PCOLCE2: variants seen among roughly 807,000 people sequenced by gnomAD.
PCOLCE2 encodes procollagen C-endopeptidase enhancer 2, also known as procollagen C-proteinase enhancer 2.
In PCOLCE2, 42 loss-of-function variants were observed where a neutral mutation model predicts 47.0. The observed-to-expected ratio is 0.89, with a 90% CI of 0.70 to 1.16. The LOEUF is 1.16. Among genes scored for constraint, PCOLCE2 ranks in the 50% most tolerant of loss-of-function variants. The pLI is 0.00. For missense variants in PCOLCE2, 500 were observed against 526.1 expected, an observed-to-expected ratio of 0.95 and a Z score of 0.49; for synonymous variants, 169 against 191.7, an observed-to-expected ratio of 0.88 and a Z score of 0.98.
chr3:142,850,061 A>G (rs1037658773), intron 2 of PCOLCE2, among the ~76,000 whole-genome samples: 2 of 152,240 alleles, frequency 1.3e-5, no homozygotes, highest in African/African-American at 4.8e-5. Context: ...TGTGAATATC[A>G]GAGTTCCAAA....
intron 2 of PCOLCE2, among the ~76,000 whole-genome samples, chr3:142,850,780 G>C (rs1932918633): frequency 6.7e-6 from 1 of 148,594 alleles, no homozygotes; most frequent in Non-Finnish European, 1.5e-5. Flanking sequence ...AAGGAGTTTT[G>C]CTGTGAAGAT....
At chr3:142,857,412 C>T (rs6440115) in intron 2 of PCOLCE2, among the ~76,000 whole-genome samples, 92,687 of 151,982 alleles carry the variant, frequency 0.61, 28,694 homozygotes, top group Non-Finnish European at 0.66. Flanking sequence ...AGGAGAACTC[C>T]GGGCACTGCA....
intron 6 of PCOLCE2, chr3:142,827,643 A>G: frequency 1.4e-6 from 2 of 1,465,204 alleles, no homozygotes; most frequent in South Asian, 1.1e-5. Context: ...GCAGCAATGA[A>G]AAGCTCCGTC....
At chr3:142,835,333 T>C (rs35687380) in intron 5 of PCOLCE2, among the ~76,000 whole-genome samples, 26,502 of 152,210 alleles carry the variant, frequency 0.17, 2,423 homozygotes, top group Middle Eastern at 0.2. Flanking sequence ...ATCATTTATA[T>C]AGCAACTATT....
intron 7 of PCOLCE2, among the ~76,000 whole-genome samples, chr3:142,823,271 C>T (rs1375597611): frequency 1.3e-5 from 2 of 151,986 alleles, no homozygotes; most frequent in Non-Finnish European, 2.9e-5. Flanking sequence ...AATAGTCAGC[C>T]AGAACACACA....
At chr3:142,829,281 CA>C (rs71629547) in intron 6 of PCOLCE2, among the ~76,000 whole-genome samples, 132 of 139,174 alleles carry the variant, frequency 9.5e-4, no homozygotes, top group Non-Finnish European at 1.3e-3. Context: ...CGCTGAGAAG[CA>C]AAAAAAAAAA....
chr3:142,866,264 C>G lies in PCOLCE2; in HGVS notation c.193-17792G>C, dbSNP rs550547130. Among the ~76,000 whole-genome samples the G allele has an allele frequency of 4.6e-5, 7 of 152,288 alleles. No individual in the cohort carries two copies. The South Asian group carries it at 1.5e-3, about 32-fold the overall frequency. On this transcript the variant is annotated intron_variant, in intron 2 of 8. Coordinates refer to ENST00000295992, the MANE Select transcript of PCOLCE2 (RefSeq NM_013363.4). ...AAAAGGTGGAGGAAGGGCAAATTCT[C>G]TCTCTCTTCTTCCTTGAGCTGGGAC...
intron 2 of PCOLCE2, among the ~76,000 whole-genome samples, chr3:142,855,462 C>T (rs1016695788): frequency 6.6e-6 from 1 of 152,136 alleles, no homozygotes; most frequent in Non-Finnish European, 1.5e-5. Flanking sequence ...TGGCTGACAG[C>T]GGTTATGATG....
At chr3:142,882,261 G>A (rs1362025685) in intron 2 of PCOLCE2, among the ~76,000 whole-genome samples, 1 of 151,984 alleles carries the variant, frequency 6.6e-6, no homozygotes, top group Non-Finnish European at 1.5e-5. Flanking sequence ...CTTGAACTCT[G>A]ATCTTGAACA....
intron 2 of PCOLCE2, among the ~76,000 whole-genome samples, chr3:142,849,951 C>A (rs1210690403): frequency 6.6e-6 from 1 of 152,160 alleles, no homozygotes; most frequent in Non-Finnish European, 1.5e-5. Context: ...TCAAACACAT[C>A]TACACTTCAT....
intron 6 of PCOLCE2, among the ~76,000 whole-genome samples, chr3:142,828,057 C>T (rs570266047): frequency 6.6e-6 from 1 of 152,308 alleles, no homozygotes; most frequent in Admixed American, 6.5e-5. Context: ...TCGCCTGGAC[C>T]AGCACGAGAC....
At chr3:142,864,253 A>T (rs1933238721) in intron 2 of PCOLCE2, 1 of 152,214 alleles carries the variant, frequency 6.6e-6, no homozygotes, top group Admixed American at 6.5e-5. Flanking sequence ...CAAAGCCCTC[A>T]GCTGTCTGAA....
intron 2 of PCOLCE2, among the ~76,000 whole-genome samples, chr3:142,857,948 C>T (rs371654302): frequency 1.1e-4 from 17 of 152,358 alleles, no homozygotes; most frequent in African/African-American, 3.8e-4. Context: ...CATCCTCAAA[C>T]ACACCTGGCC....
chr3:142,838,013 AT>A (rs1448995555), intron 5 of PCOLCE2, among the ~76,000 whole-genome samples: 1 of 152,172 alleles, frequency 6.6e-6, no homozygotes, highest in Non-Finnish European at 1.5e-5. Context: ...CCTTGTCTGG[AT>A]CCCCAGTATT....
At chr3:142,878,390 A>C (rs113137458) in intron 2 of PCOLCE2, among the ~76,000 whole-genome samples, 20 of 152,284 alleles carry the variant, frequency 1.3e-4, no homozygotes, top group African/African-American at 4.6e-4. Flanking sequence ...AAGTTCCTAG[A>C]CTAAGAAACT....
intron 2 of PCOLCE2, among the ~76,000 whole-genome samples, chr3:142,879,057 G>T (rs918809161): frequency 6.6e-6 from 1 of 151,738 alleles, no homozygotes; most frequent in East Asian, 1.9e-4. Context: ...GGTGGTCAAG[G>T]GATATAAAAG....
chr3:142,831,624 A>G (rs1047834078), intron 5 of PCOLCE2, among the ~76,000 whole-genome samples: 2 of 152,212 alleles, frequency 1.3e-5, no homozygotes, highest in Non-Finnish European at 2.9e-5. Flanking sequence ...ACTCCCATTA[A>G]ATAAATAAAA....
intron 2 of PCOLCE2, among the ~76,000 whole-genome samples, chr3:142,856,680 A>G (rs1283517694): frequency 6.6e-6 from 1 of 152,246 alleles, no homozygotes; most frequent in Non-Finnish European, 1.5e-5. Flanking sequence ...GAGCTGTCGC[A>G]TTAGGTTTTG....
rs1263976938 is a variant in PCOLCE2 at position 142,887,836 on chromosome 3, G to A, written c.84-59C>T. 3.4e-5 allele frequency: 31 copies of A among 916,558 alleles called. 1 individual carries two copies. The East Asian group carries it at 7.2e-4, about 21-fold the overall frequency. 56.8% of individuals were successfully genotyped at this position (916,558 alleles called of 1,614,324 possible). A position where few individuals can be genotyped will look rare whatever the true frequency, so the allele number is the denominator to read the frequency against. ...TTGAAACATGGTCTAACAATCTGAT[G>A]TTACCTTCAGAAAGGTGTAGCCTAT... On this transcript the variant is annotated intron_variant, in intron 1 of 8. Coordinates refer to ENST00000295992, the MANE Select transcript of PCOLCE2 (RefSeq NM_013363.4).
Sources: allele counts gnomAD v4.1 joint callset (sites outside exome capture counted in the v4.1 genomes callset), GRCh38; gene constraint gnomAD v4.1.1; transcripts MANE v1.5; gene names NCBI Gene and HGNC (gene_info 2026-07-23, HGNC 2026-07-21).